SPMIP11: variants seen among roughly 807,000 people sequenced by gnomAD.
SPMIP11 encodes the protein long intergenic non-protein coding RNA 935.
the SPMIP11 span, among the ~76,000 whole-genome samples, chr12:48,770,534 C>G: frequency 6.6e-6 from 1 of 152,160 alleles, no homozygotes; most frequent in South Asian, 2.1e-4. Flanking sequence ...GAGAGTCAGT[C>G]TCTATCCAAT....
At chr12:48,731,289 G>A in the SPMIP11 span, among the ~76,000 whole-genome samples, 7 of 152,142 alleles carry the variant, frequency 4.6e-5, no homozygotes, top group African/African-American at 1.4e-4. Flanking sequence ...TCAGGAGATC[G>A]ATACCATCCT....
chr12:48,739,121 T>C, the SPMIP11 span, among the ~76,000 whole-genome samples: 17 of 152,148 alleles, frequency 1.1e-4, no homozygotes, highest in African/African-American at 4.1e-4. Flanking sequence ...TCTGAGCCCT[T>C]TTTCCTATGA....
chr12:48,756,394 G>A, the SPMIP11 span, among the ~76,000 whole-genome samples: 1 of 152,150 alleles, frequency 6.6e-6, no homozygotes, highest in Non-Finnish European at 1.5e-5. Context: ...GTCCTCAACT[G>A]TACAGGGAGG....
the SPMIP11 span, among the ~76,000 whole-genome samples, chr12:48,739,062 A>G: frequency 2.6e-5 from 4 of 151,766 alleles, no homozygotes; most frequent in South Asian, 6.3e-4. Flanking sequence ...CCATGAATAT[A>G]TACTTTATTT....
chr12:48,753,692 C>CTTTCTTTTTTTTTTTT, the SPMIP11 span, among the ~76,000 whole-genome samples: 5 of 118,818 alleles, frequency 4.2e-5, no homozygotes, highest in African/African-American at 1.6e-4. Flanking sequence ...TTTTTTTTTT[C>CTTTCTTTTTTTTTTTT]TTTTTTTTTT....
chr12:48,755,180 C>CTCCA, the SPMIP11 span, among the ~76,000 whole-genome samples: 1 of 152,134 alleles, frequency 6.6e-6, no homozygotes, highest in Non-Finnish European at 1.5e-5. Flanking sequence ...ATGGAACATC[C>CTCCA]ACTCAAGTAC....
At chr12:48,765,846 C>T in the SPMIP11 span, 2 of 578,454 alleles carry the variant, frequency 3.5e-6, no homozygotes, top group Non-Finnish European at 3.1e-6. Flanking sequence ...ATTCCAGTGT[C>T]CAGATTGTTG....
the SPMIP11 span, among the ~76,000 whole-genome samples, chr12:48,727,737 T>A: frequency 6.6e-6 from 1 of 152,328 alleles, no homozygotes; most frequent in Admixed American, 6.5e-5. Context: ...TGCTCTCCTG[T>A]CATTTAATAT....
At chr12:48,746,952 G>C in the SPMIP11 span, among the ~76,000 whole-genome samples, 1 of 151,808 alleles carries the variant, frequency 6.6e-6, no homozygotes, top group African/African-American at 2.4e-5. Flanking sequence ...TGGCCACACT[G>C]GCCCTAAACT....
At chr12:48,755,911 T>A in the SPMIP11 span, among the ~76,000 whole-genome samples, 1 of 143,804 alleles carries the variant, frequency 7.0e-6, no homozygotes, top group Non-Finnish European at 1.5e-5. Flanking sequence ...AGAGTCTTGC[T>A]CTGTTGCCCA....
chr12:48,763,318 C>T, the SPMIP11 span, among the ~76,000 whole-genome samples: 14 of 152,158 alleles, frequency 9.2e-5, no homozygotes, highest in African/African-American at 3.1e-4. Flanking sequence ...GTACTACAGG[C>T]GTGCACCATC....
the SPMIP11 span, among the ~76,000 whole-genome samples, chr12:48,747,126 A>C: frequency 3.1e-3 from 468 of 152,150 alleles, 3 homozygotes; most frequent in Middle Eastern, 0.017. Context: ...GGAGAGGCCC[A>C]CTTTATTTTA....
chr12:48,740,271 C>T, the SPMIP11 span, among the ~76,000 whole-genome samples: 1 of 152,172 alleles, frequency 6.6e-6, no homozygotes, highest in African/African-American at 2.4e-5. Flanking sequence ...TTTTGCCACT[C>T]TCTTTTTTGC....
chr12:48,755,685 G>A, the SPMIP11 span, among the ~76,000 whole-genome samples: 1 of 152,032 alleles, frequency 6.6e-6, no homozygotes, highest in Non-Finnish European at 1.5e-5. Flanking sequence ...CATTCATATG[G>A]GAAGCCGGGA....
the SPMIP11 span, among the ~76,000 whole-genome samples, chr12:48,753,711 T>A: frequency 3.4e-5 from 5 of 147,254 alleles, no homozygotes; most frequent in African/African-American, 1.3e-4. Context: ...TTTTTTTTTT[T>A]TCTTTTTTTG....
the SPMIP11 span, among the ~76,000 whole-genome samples, chr12:48,739,090 C>T: frequency 6.6e-6 from 1 of 151,496 alleles, no homozygotes; most frequent in Admixed American, 6.6e-5. Flanking sequence ...TCTTCTTTTC[C>T]TTGCATTGAC....
At chr12:48,730,176 A>G in the SPMIP11 span, among the ~76,000 whole-genome samples, 1 of 152,152 alleles carries the variant, frequency 6.6e-6, no homozygotes, top group Admixed American at 6.6e-5. Context: ...TACTGATCCA[A>G]AGAGGCCTGG....
the SPMIP11 span, among the ~76,000 whole-genome samples, chr12:48,742,399 A>G: frequency 3.4e-5 from 5 of 147,316 alleles, no homozygotes; most frequent in African/African-American, 1.3e-4. Flanking sequence ...CTCCTGCCTC[A>G]GCCTCCTGAG....
At chr12:48,749,353 G>A in the SPMIP11 span, among the ~76,000 whole-genome samples, 1 of 151,826 alleles carries the variant, frequency 6.6e-6, no homozygotes, top group South Asian at 2.1e-4. Context: ...TTTTGGCTGG[G>A]CGCGGTGGCT....
Sources: allele counts gnomAD v4.1 joint callset (sites outside exome capture counted in the v4.1 genomes callset), GRCh38; gene constraint gnomAD v4.1.1; transcripts MANE v1.5; gene names NCBI Gene and HGNC (gene_info 2026-07-23, HGNC 2026-07-21).